The following TRMT11 variants were observed in gnomAD, a reference collection of about 807,000 sequenced individuals.
TRMT11 encodes tRNA (guanine(10)-N(2))-methyltransferase TRMT11.
In TRMT11, 53 loss-of-function variants were observed where a neutral mutation model predicts 62.8. The observed-to-expected ratio is 0.84, with a 90% CI of 0.68 to 1.06. The LOEUF is 1.06. TRMT11 is among the 50% of genes least tolerant of loss of function. The pLI is 0.00. For synonymous variants in TRMT11, 188 were observed against 190.3 expected, an observed-to-expected ratio of 0.99 and a Z score of 0.10; for missense variants, 556 against 553.4, an observed-to-expected ratio of 1.00 and a Z score of -0.05.
chr6:126,135,116 T>G lies in TRMT11; in HGVS notation c.*1823+19261T>G, dbSNP rs373632287. 9.4e-4 allele frequency among the ~76,000 whole-genome samples: 142 copies of G among 151,210 alleles called. 3 individuals are homozygous for G. Among genetic ancestry groups the G allele is most frequent in the Non-Finnish European group, 1.5e-3 (103 of 67,612 alleles). ...AGCAAGAACAAATCAAACCCCAAAA[T>G]AGTAGAAGGAAAGAAATAACAAAGA... is the stretch of plus-strand genomic sequence containing the variant. On this transcript the variant is annotated intron_variant and NMD_transcript_variant, in intron 21 of 22. Transcript: ENST00000648977.
chr6:126,070,861 G>A (rs1776830451), intron 17 of TRMT11, among the ~76,000 whole-genome samples: 1 of 152,176 alleles, frequency 6.6e-6, no homozygotes, highest in African/African-American at 2.4e-5. Context: ...GAGAGATTAA[G>A]AGCTTGCCTA....
At chr6:126,165,730 C>T (rs1562338484) in intron 21 of TRMT11, among the ~76,000 whole-genome samples, 2 of 152,176 alleles carry the variant, frequency 1.3e-5, no homozygotes, top group South Asian at 4.1e-4. Flanking sequence ...TCCTTCATTT[C>T]AACCTTGGTG....
chr6:126,113,169 C>T (rs549055566), intron 18 of TRMT11, among the ~76,000 whole-genome samples: 10 of 152,074 alleles, frequency 6.6e-5, no homozygotes, highest in Non-Finnish European at 8.8e-5. Flanking sequence ...GTTTGAGGGG[C>T]GTTATGTTCC....
At chr6:126,094,028 G>A (rs547563959) in intron 17 of TRMT11, among the ~76,000 whole-genome samples, 27 of 152,022 alleles carry the variant, frequency 1.8e-4, no homozygotes, top group Middle Eastern at 3.4e-3. Context: ...AGAGTAATGC[G>A]TTCTTGAGCA....
intron 17 of TRMT11, among the ~76,000 whole-genome samples, chr6:126,100,570 A>G (rs1415930579): frequency 6.6e-6 from 1 of 152,226 alleles, no homozygotes; most frequent in Admixed American, 6.5e-5. Context: ...GTGCTGTCAC[A>G]TACCCTGAGG....
rs140407162 is a variant in TRMT11 at position 126,188,655 on chromosome 6, A to G, written n.144-10144A>G. On this transcript the variant is annotated intron_variant and non_coding_transcript_variant, in intron 1 of 3. Transcript: ENST00000444229. ...CCCAACAATTATGTATTTATAGTTC[A>G]TAATGGGTGAAACAAAGTTGTTCGT... 5.3e-5 allele frequency among the ~76,000 whole-genome samples: 8 copies of G among 152,318 alleles called. No individual in the cohort carries two copies. In the East Asian group the frequency reaches 1.3e-3, roughly 26 times the overall value.
At chr6:126,115,526 T>C (rs1455392807) in intron 20 of TRMT11, among the ~76,000 whole-genome samples, 2 of 152,148 alleles carry the variant, frequency 1.3e-5, no homozygotes, top group East Asian at 3.9e-4. Flanking sequence ...TATGTTCATT[T>C]CTTTTCTAGT....
chr6:125,988,265 TAGG>T (rs1213196369), intron 1 of TRMT11, among the ~76,000 whole-genome samples: 1 of 152,140 alleles, frequency 6.6e-6, no homozygotes, highest in East Asian at 1.9e-4. Flanking sequence ...TGAGTTTTAG[TAGG>T]AGAAGCCAGG....
chr6:126,257,955 C>A, the TRMT11 span: 3,600 of 1,557,472 alleles, frequency 2.3e-3, 9 homozygotes, highest in Non-Finnish European at 2.9e-3. Flanking sequence ...CTTCTGCATG[C>A]CCCGGATCTT....
At chr6:126,238,438 A>G in the TRMT11 span, among the ~76,000 whole-genome samples, 1 of 152,174 alleles carries the variant, frequency 6.6e-6, no homozygotes, top group South Asian at 2.1e-4. Flanking sequence ...TTCAAAGAAC[A>G]TCTTTATTTC....
chr6:126,213,532 T>C, the TRMT11 span, among the ~76,000 whole-genome samples: 1 of 152,128 alleles, frequency 6.6e-6, no homozygotes, highest in Non-Finnish European at 1.5e-5. Flanking sequence ...ACATTCTTGA[T>C]TTATTTTTCA....
intron 7 of TRMT11, among the ~76,000 whole-genome samples, chr6:126,004,263 A>AT (rs1444264470): frequency 6.6e-6 from 1 of 151,960 alleles, no homozygotes; most frequent in African/African-American, 2.4e-5. Context: ...TGGACCATTT[A>AT]TAGTGTGTTG....
At chr6:126,128,909 T>C in intron 21 of TRMT11, among the ~76,000 whole-genome samples, 1 of 135,264 alleles carries the variant, frequency 7.4e-6, no homozygotes, top group East Asian at 2.0e-4. Context: ...GGATTTTTGT[T>C]TTCTGATTTT....
chr6:126,094,092 TACACAC>T (rs113557278), intron 17 of TRMT11, among the ~76,000 whole-genome samples: 1 of 147,788 alleles, frequency 6.8e-6, no homozygotes, highest in Admixed American at 6.8e-5. Context: ...GAAAATGTGA[TACACAC>T]ACACACACAC....
At chr6:125,993,907 T>C (rs1204445122) in intron 2 of TRMT11, 85 bp downstream of exon 2, 6 of 757,166 alleles carry the variant, frequency 7.9e-6, no homozygotes, top group African/African-American at 1.8e-5. Context: ...TATCTTAAAT[T>C]TATATTTGTA....
In TRMT11 at chr6:126,058,713, T is replaced by C. The variant is rs1776441296; in HGVS notation, c.*1437+5523T>C. ...AAGAAGAAAAGAGAGAAGAATCAAA[T>C]AGACACAATAAAAAATGATAAAGAG... On this transcript the variant is annotated intron_variant and NMD_transcript_variant, in intron 17 of 22. Transcript: ENST00000648977. Among the ~76,000 whole-genome samples, 8 of 152,208 alleles carry C rather than the reference T, an allele frequency of 5.3e-5. No individual in the cohort carries two copies. The South Asian group carries it at 1.7e-3, about 32-fold the overall frequency.
In TRMT11 at chr6:126,166,811, A is replaced by T. The variant is rs192954032; in HGVS notation, c.*1824-8014A>T. Among the ~76,000 whole-genome samples, 94 of 152,306 alleles carry T rather than the reference A, an allele frequency of 6.2e-4. 2 individuals carry two copies. The highest frequency in any genetic ancestry group is 2.3e-3 in the African/African-American group (94 of 41,572). ...CCTTTCTTTCAGAGATGGCCTGCCC[A>T]GAGAGGAGGAATCTAGAGAGGCAGT... On this transcript the variant is annotated intron_variant and NMD_transcript_variant, in intron 21 of 22. Coordinates refer to the TRMT11 transcript ENST00000648977.
chr6:126,196,774 G>A (rs934220164), intron 1 of TRMT11, among the ~76,000 whole-genome samples: 12 of 152,160 alleles, frequency 7.9e-5, no homozygotes, highest in African/African-American at 2.9e-4. Context: ...GACCTTTTAA[G>A]TTTCATTTAA....
At chr6:126,253,681 G>A in the TRMT11 span, among the ~76,000 whole-genome samples, 2 of 152,142 alleles carry the variant, frequency 1.3e-5, no homozygotes. Context: ...TATGCAGTCT[G>A]TTGTTGACTG....
Sources: allele counts gnomAD v4.1 joint callset (sites outside exome capture counted in the v4.1 genomes callset), GRCh38; gene constraint gnomAD v4.1.1; transcripts MANE v1.5; gene names NCBI Gene and HGNC (gene_info 2026-07-23, HGNC 2026-07-21).